The following MLLT10 variants were observed in gnomAD, a reference collection of about 807,000 sequenced individuals.
MLLT10 encodes MLLT10 histone lysine methyltransferase DOT1L cofactor.
A neutral mutation model predicts 129.1 loss-of-function variants in MLLT10; 30 were observed. The ratio of observed to expected loss-of-function variants is 0.23; its 90% CI spans 0.17 to 0.32. MLLT10 has a LOEUF of 0.32. Among genes scored for constraint, MLLT10 ranks in the 10% least tolerant of loss-of-function variants. MLLT10 has a pLI of 1.00. For missense variants in MLLT10, 1,119 were observed against 1,268.3 expected, an observed-to-expected ratio of 0.88 and a Z score of 1.79; for synonymous variants, 490 against 446.4, an observed-to-expected ratio of 1.10 and a Z score of -1.23.
intron 3 of MLLT10, among the ~76,000 whole-genome samples, chr10:21,549,213 T>C (rs966551805): frequency 1.4e-5 from 2 of 145,712 alleles, no homozygotes; most frequent in Non-Finnish European, 3.0e-5. Flanking sequence ...AACCTGCACC[T>C]CCCGGATTCA....
intron 4 of MLLT10, among the ~76,000 whole-genome samples, chr10:21,593,926 T>TTA (rs1469508599): frequency 6.6e-5 from 3 of 45,426 alleles, no homozygotes; most frequent in African/African-American, 3.2e-4. Context: ...GCTTTGTCTT[T>TTA]AAAAAAAAAA....
chr10:21,722,630 C>T (rs973049732), intron 14 of MLLT10, among the ~76,000 whole-genome samples: 3 of 152,126 alleles, frequency 2.0e-5, no homozygotes, highest in Non-Finnish European at 2.9e-5. Flanking sequence ...TATGAAACGC[C>T]AGACACTGTG....
intron 13 of MLLT10, among the ~76,000 whole-genome samples, chr10:21,682,967 A>T (rs1289065849): frequency 6.6e-6 from 1 of 152,126 alleles, no homozygotes; most frequent in Non-Finnish European, 1.5e-5. Flanking sequence ...AACAGATCTC[A>T]TTTGTTCGAG....
chr10:21,681,219 A>T, intron 11 of MLLT10, 113 bp from the exon 12 acceptor site: 3 of 1,359,166 alleles, frequency 2.2e-6, no homozygotes, highest in South Asian at 1.2e-5. Context: ...TAGGTGGCCT[A>T]CTTAACTACA....
In MLLT10 at chr10:21,743,016, C is replaced by T. The variant is rs1833867032; in HGVS notation, c.*1033C>T. On this transcript the variant is annotated 3_prime_UTR_variant, in exon 23 of 23. Transcript: ENST00000307729. ...GAGATTTGTTTTATTTAAACCACTT[C>T]CCATTACTGACCATTAAAAGCTCAC... 1 of 230,318 alleles carries T rather than the reference C, an allele frequency of 4.3e-6. No homozygotes were observed. 14.3% of individuals were successfully genotyped at this position (230,318 alleles called of 1,614,324 possible).
intron 8 of MLLT10, among the ~76,000 whole-genome samples, chr10:21,622,489 T>G (rs924076795): frequency 3.3e-5 from 5 of 152,124 alleles, no homozygotes; most frequent in Admixed American, 1.3e-4. Context: ...CTGCAAAAAT[T>G]GAAAATTTGG....
intron 9 of MLLT10, among the ~76,000 whole-genome samples, chr10:21,666,682 A>G (rs952877378): frequency 6.6e-6 from 1 of 151,722 alleles, no homozygotes; most frequent in Non-Finnish European, 1.5e-5. Flanking sequence ...AATAAATAAA[A>G]AAGTAAAATA....
At chr10:21,576,926 C>T (rs1286574437) in intron 3 of MLLT10, among the ~76,000 whole-genome samples, 7 of 152,198 alleles carry the variant, frequency 4.6e-5, no homozygotes, top group African/African-American at 7.2e-5. Context: ...CCACTGCGCC[C>T]GGCCAATTGT....
intron 3 of MLLT10, among the ~76,000 whole-genome samples, chr10:21,569,357 A>T (rs1366343540): frequency 6.6e-6 from 1 of 151,594 alleles, no homozygotes; most frequent in Non-Finnish European, 1.5e-5. Context: ...TCCTGGGCTC[A>T]AATGATCCTC....
intron 3 of MLLT10, among the ~76,000 whole-genome samples, chr10:21,563,445 A>C (rs80005473): frequency 0.12 from 17,576 of 151,722 alleles, 1,297 homozygotes; most frequent in East Asian, 0.3. Context: ...ATTGCTTGAA[A>C]CCAGGAGGCA....
At chr10:21,707,177 C>G (rs1020102292) in intron 13 of MLLT10, among the ~76,000 whole-genome samples, 2 of 150,682 alleles carry the variant, frequency 1.3e-5, no homozygotes, top group Admixed American at 1.3e-4. Flanking sequence ...AATTTGTCAT[C>G]AAGTTTAGAT....
chr10:21,612,219 A>T (rs1370295558), intron 5 of MLLT10, 129 bp from the exon 6 acceptor site: 1 of 537,518 alleles, frequency 1.9e-6, no homozygotes, highest in Non-Finnish European at 3.3e-6. Context: ...ATTGTCCAAA[A>T]TGAATTCATA....
rs1314569955 is a variant in MLLT10 at position 21,586,277 on chromosome 10, T to C, written c.241-17T>C. ...ATCTGAAATATTCATTACCTGTTTC[T>C]TTTTTTTTTTTTATAGAGATGTGAA... is the stretch of plus-strand genomic sequence containing the variant. On this transcript the variant is annotated splice_polypyrimidine_tract_variant and intron_variant, in intron 3 of 22. Transcript: ENST00000307729. 1 of 365,190 alleles carries C rather than the reference T, an allele frequency of 2.7e-6. No homozygotes were observed. The highest frequency in any genetic ancestry group is 4.2e-6 in the Non-Finnish European group (1 of 237,208). The allele number at this position is 365,190 out of a possible 1,614,324, so 22.6% of individuals were successfully genotyped here. A position where few individuals can be genotyped will look rare whatever the true frequency, so the allele number is the denominator to read the frequency against.
At chr10:21,737,464 A>C (rs1040633768) in intron 21 of MLLT10, among the ~76,000 whole-genome samples, 1 of 152,170 alleles carries the variant, frequency 6.6e-6, no homozygotes, top group East Asian at 1.9e-4. Flanking sequence ...GAAAGGTGCT[A>C]GCAGAGGAGG....
intron 3 of MLLT10, among the ~76,000 whole-genome samples, chr10:21,574,302 G>A (rs2040509152): frequency 6.6e-6 from 1 of 152,090 alleles, no homozygotes; most frequent in Non-Finnish European, 1.5e-5. Flanking sequence ...TGGGATTGTA[G>A]AGGTAATTCC....
intron 14 of MLLT10, among the ~76,000 whole-genome samples, chr10:21,718,173 CT>C (rs376769089): frequency 6.3e-4 from 93 of 148,736 alleles, no homozygotes; most frequent in Middle Eastern, 3.4e-3. Context: ...GTGTTAAACC[CT>C]TTTTTTTTTC....
chr10:21,557,965 T>C (rs1400698032), intron 3 of MLLT10: 1 of 147,658 alleles, frequency 6.8e-6, no homozygotes, highest in Non-Finnish European at 1.5e-5. Context: ...TTTTTTTTTT[T>C]TGGAGACAGA....
Position 21,564,376 on chromosome 10 carries a change from A to G in MLLT10, c.241-21918A>G, listed in dbSNP as rs567556467. 7.8e-4 allele frequency: 119 copies of G among 152,028 alleles called. 1 individual carries two copies. The highest frequency in any genetic ancestry group is 2.8e-3 in the African/African-American group (118 of 41,468). 9.4% of individuals were successfully genotyped at this position (152,028 alleles called of 1,614,324 possible). ...AAGTGCTGGGATTACAGGCCACTAC[A>G]CACGCGTCATTGTGTTTTTAATACG... On this transcript the variant is annotated intron_variant, in intron 3 of 22. Coordinates refer to ENST00000307729, the MANE Select transcript of MLLT10 (RefSeq NM_001195626.3).
At chr10:21,533,895 C>G (rs1022477064), upstream of MLLT10, among the ~76,000 whole-genome samples, 2 of 152,192 alleles carry the variant, frequency 1.3e-5, no homozygotes, top group African/African-American at 4.8e-5. Flanking sequence ...TCTGGCGATT[C>G]TGAGAAAACC....
Sources: gnomAD v4.1 joint callset for allele counts (sites outside exome capture counted in the v4.1 genomes callset) on GRCh38, gnomAD v4.1.1 for gene constraint, MANE v1.5 for transcripts, NCBI Gene and HGNC (gene_info 2026-07-23, HGNC 2026-07-21) for gene names.